Variants in CSNK1G1 observed in about 807,000 individuals in gnomAD.
CSNK1G1 encodes the protein casein kinase 1 gamma 1.
A neutral mutation model predicts 59.6 loss-of-function variants in CSNK1G1; 22 were observed. That is an observed-to-expected ratio of 0.37 (90% CI 0.26 to 0.53). The LOEUF is 0.53. Among genes scored for constraint, CSNK1G1 ranks in the 20% least tolerant of loss-of-function variants. CSNK1G1 has a pLI of 0.89. For missense variants in CSNK1G1, 384 were observed against 519.5 expected, an observed-to-expected ratio of 0.74 and a Z score of 2.54; for synonymous variants, 179 against 177.1, an observed-to-expected ratio of 1.01 and a Z score of -0.08.
chr15:64,352,887 G>C (rs150369920), intron 1 of CSNK1G1, among the ~76,000 whole-genome samples: 1,884 of 151,504 alleles, frequency 0.012, 29 homozygotes, highest in African/African-American at 0.044. Flanking sequence ...TCAGGAGTTC[G>C]AGACCTGCCT....
chr15:64,336,272 CCTT>C (rs1897386210), intron 1 of CSNK1G1, among the ~76,000 whole-genome samples: 1 of 152,022 alleles, frequency 6.6e-6, no homozygotes, highest in South Asian at 2.1e-4. Flanking sequence ...TCATTTCACT[CCTT>C]ATTCTATTCA....
At chr15:64,255,362 A>G (rs1373400124) in intron 3 of CSNK1G1, among the ~76,000 whole-genome samples, 1 of 152,132 alleles carries the variant, frequency 6.6e-6, no homozygotes, top group Non-Finnish European at 1.5e-5. Flanking sequence ...GGCATGAGCC[A>G]CCACACCCCG....
rs1567381566 is a variant in CSNK1G1 at position 64,222,436 on chromosome 15, C to CAAAAA, written c.293-5724_293-5723insTTTTT. On this transcript the variant is annotated intron_variant, in intron 4 of 11. Transcript: ENST00000303052. ...TAAAGAAATAACAACAACAACACCA[C>CAAAAA]CAAAAAAAAAAAAAAAAAAAAAAGA... Among the ~76,000 whole-genome samples the CAAAAA allele has an allele frequency of 1.8e-4, 21 of 114,650 alleles. 1 individual carries two copies. The highest frequency in any genetic ancestry group is 6.2e-4 in the South Asian group (2 of 3,214). The allele number at this position is 114,650 out of a possible 152,430, so 75.2% of individuals were successfully genotyped here.
At chr15:64,242,926 C>T (rs1488042057) in intron 4 of CSNK1G1, among the ~76,000 whole-genome samples, 1 of 152,112 alleles carries the variant, frequency 6.6e-6, no homozygotes, top group African/African-American at 2.4e-5. Context: ...AATGATTCAA[C>T]ATACATAAAT....
At chr15:64,351,439 T>C (rs1471708990) in intron 1 of CSNK1G1, among the ~76,000 whole-genome samples, 1 of 152,196 alleles carries the variant, frequency 6.6e-6, no homozygotes, top group African/African-American at 2.4e-5. Flanking sequence ...ATTCCATAAC[T>C]GACAACTGCA....
At chr15:64,343,115 G>T (rs1399378841) in intron 1 of CSNK1G1, among the ~76,000 whole-genome samples, 4 of 151,924 alleles carry the variant, frequency 2.6e-5, no homozygotes, top group African/African-American at 9.7e-5. Flanking sequence ...GGGAGGCCAA[G>T]GCAGGAGAAT....
rs1021573494 is a variant in CSNK1G1, at chr15:64,206,644, C to T, written c.765+865G>A. On this transcript the variant is annotated intron_variant, in intron 7 of 11. Coordinates refer to ENST00000303052, the MANE Select transcript of CSNK1G1 (RefSeq NM_022048.5). ...TCTCACAAGATACTAATGGGACTTA[C>T]AATGGGTTAGAAGCTCACCATTTCC... is the stretch of plus-strand genomic sequence containing the variant. Among the ~76,000 whole-genome samples the T allele has an allele frequency of 6.1e-5, 8 of 131,668 alleles. No homozygotes were observed. The East Asian group carries it at 1.9e-3, about 32-fold the overall frequency. 86.4% of individuals were successfully genotyped at this position (131,668 alleles called of 152,430 possible).
chr15:64,209,950 G>A (rs2082230228), intron 6 of CSNK1G1, among the ~76,000 whole-genome samples: 1 of 151,942 alleles, frequency 6.6e-6, no homozygotes, highest in African/African-American at 2.4e-5. Context: ...ATATTGATCA[G>A]GCCTACAGAA....
intron 1 of CSNK1G1, among the ~76,000 whole-genome samples, chr15:64,346,626 T>C (rs1566956165): frequency 6.6e-6 from 1 of 151,814 alleles, no homozygotes; most frequent in Non-Finnish European, 1.5e-5. Flanking sequence ...CCCGGCTAAT[T>C]TTTGTATTTT....
chr15:64,253,616 C>T (rs1483017815), intron 3 of CSNK1G1, among the ~76,000 whole-genome samples: 3 of 152,136 alleles, frequency 2.0e-5, no homozygotes, highest in African/African-American at 7.2e-5. Flanking sequence ...ATTTGTACAT[C>T]CATGTTTATA....
At chr15:64,277,885 A>G (rs1893815847) in intron 2 of CSNK1G1, among the ~76,000 whole-genome samples, 1 of 139,834 alleles carries the variant, frequency 7.2e-6, no homozygotes, top group Non-Finnish European at 1.5e-5. Flanking sequence ...ATATTGATAT[A>G]TTTAATATAT....
intron 1 of CSNK1G1, among the ~76,000 whole-genome samples, chr15:64,301,995 A>C (rs149579046): frequency 2.8e-4 from 43 of 152,370 alleles, no homozygotes; most frequent in African/African-American, 9.9e-4. Context: ...TATACTCTAA[A>C]CTTCCTGAGG....
intron 1 of CSNK1G1, among the ~76,000 whole-genome samples, chr15:64,326,055 T>G (rs1896819205): frequency 6.6e-6 from 1 of 152,186 alleles, no homozygotes; most frequent in African/African-American, 2.4e-5. Flanking sequence ...AACAGAGTCC[T>G]GCTCTGTCAC....
At chr15:64,256,873 G>A (rs756905512) in intron 3 of CSNK1G1, among the ~76,000 whole-genome samples, 7 of 151,972 alleles carry the variant, frequency 4.6e-5, no homozygotes, top group Non-Finnish European at 7.4e-5. Context: ...TCCATAGAGG[G>A]CTGTGCATTT....
intron 1 of CSNK1G1, among the ~76,000 whole-genome samples, chr15:64,354,262 G>GCCA (rs1290402290): frequency 6.6e-6 from 1 of 152,144 alleles, no homozygotes; most frequent in East Asian, 1.9e-4. Context: ...CCGAGATCGT[G>GCCA]CCACTGCACT....
intron 11 of CSNK1G1, among the ~76,000 whole-genome samples, chr15:64,175,885 C>G: frequency 6.6e-6 from 1 of 152,238 alleles, no homozygotes; most frequent in East Asian, 1.9e-4. Context: ...ATCCTTGCGG[C>G]TGTGAGTAAA....
In CSNK1G1 at chr15:64,239,786, GAGAT is replaced by G. The variant is rs200194582; in HGVS notation, c.292+11722_292+11725del. The stretch of plus-strand genomic sequence containing the variant: ...TGATATAAACTAGAAATTCAACTAA[GAGAT>G]AGATATAGAAAAGAACCAAACAGAT... On this transcript the variant is annotated intron_variant, in intron 4 of 11. Coordinates refer to ENST00000303052, the MANE Select transcript of CSNK1G1 (RefSeq NM_022048.5). Among the ~76,000 whole-genome samples the G allele has an allele frequency of 7.8e-3, 1,188 of 152,190 alleles. 8 individuals carry two copies. The highest frequency in any genetic ancestry group is 0.012 in the Admixed American group (191 of 15,282).
At chr15:64,181,113 C>T in intron 10 of CSNK1G1, 2 of 1,427,282 alleles carry the variant, frequency 1.4e-6, no homozygotes, top group Admixed American at 2.9e-5. Context: ...TTACAAATAA[C>T]AAGATTGTCA....
intron 2 of CSNK1G1, among the ~76,000 whole-genome samples, chr15:64,260,652 C>T (rs970331531): frequency 2.0e-5 from 3 of 151,926 alleles, no homozygotes; most frequent in Non-Finnish European, 2.9e-5. Flanking sequence ...GTGGGAAAAT[C>T]GCTTGAACCC....
Sources: allele counts gnomAD v4.1 joint callset (sites outside exome capture counted in the v4.1 genomes callset), GRCh38; gene constraint gnomAD v4.1.1; transcripts MANE v1.5; gene names NCBI Gene and HGNC (gene_info 2026-07-23, HGNC 2026-07-21).